The following HS6ST1 variants were observed in gnomAD, a reference collection of about 807,000 sequenced individuals.
HS6ST1 encodes the protein heparan sulfate 6-O-sulfotransferase 1.
Under a neutral mutation model 25.2 loss-of-function variants are expected in HS6ST1, and 3 were observed. The observed-to-expected ratio is 0.12, with a 90% CI of 0.05 to 0.31. HS6ST1 has a LOEUF of 0.31. Among genes scored for constraint, HS6ST1 ranks in the 10% least tolerant of loss-of-function variants. The pLI is 1.00. For synonymous variants in HS6ST1, 204 were observed against 275.1 expected (o/e 0.74, Z 2.56); for missense variants, 310 against 609.6 (o/e 0.51, Z 5.18).
In HS6ST1 at chr2:128,282,237, A is replaced by G. The variant is rs563136398; in HGVS notation, c.528-13367T>C. Among the ~76,000 whole-genome samples, 9 of 152,354 alleles carry G rather than the reference A, an allele frequency of 5.9e-5. No individual in the cohort carries two copies. The East Asian group carries it at 1.7e-3, about 29-fold the overall frequency. ...AGAGTCAGAGTGGTCTGCATAAAGA[A>G]AAAACCACCTTTAGCCCTGCAGTGA... is the stretch of plus-strand genomic sequence containing the variant. On this transcript the variant is annotated intron_variant, in intron 1 of 1. Transcript: ENST00000259241.
intron 1 of HS6ST1, among the ~76,000 whole-genome samples, chr2:128,271,642 A>G (rs931599696): frequency 2.0e-5 from 3 of 152,190 alleles, no homozygotes; most frequent in Non-Finnish European, 2.9e-5. Context: ...CTCCAGCTTC[A>G]TGGCAGGACA....
chr2:128,304,478 C>T (rs1003302441), intron 1 of HS6ST1, among the ~76,000 whole-genome samples: 2 of 152,228 alleles, frequency 1.3e-5, no homozygotes, highest in African/African-American at 4.8e-5. Context: ...GGCAGGAGGA[C>T]GAAACAAGTA....
At position 128,318,856 on chromosome 2, in the gene HS6ST1, C is replaced by T. The variant is rs534883789; in HGVS notation, c.-293G>A. ...CCAGCCCGCTCCGCTCCACTCCGCG[C>T]CGAGAACGCTCTGCGCCGCCCCGCG... is the stretch of plus-strand genomic sequence containing the variant. On this transcript the variant is annotated 5_prime_UTR_variant, in exon 1 of 2. Coordinates refer to ENST00000259241, the MANE Select transcript of HS6ST1 (RefSeq NM_004807.3). The surrounding 1 kb of genome is among the most constrained non-coding windows in gnomAD (Gnocchi z 5.7). Among the ~76,000 whole-genome samples, 16 of 147,994 alleles carry T rather than the reference C, an allele frequency of 1.1e-4. No homozygotes were observed. In the South Asian group the frequency reaches 2.9e-3, roughly 27 times the overall value.
intron 1 of HS6ST1, among the ~76,000 whole-genome samples, chr2:128,271,927 A>G (rs1335523777): frequency 1.3e-5 from 2 of 152,198 alleles, no homozygotes; most frequent in Non-Finnish European, 2.9e-5. Flanking sequence ...ACCAGAGCAC[A>G]GAGGGATGGA....
intron 1 of HS6ST1, among the ~76,000 whole-genome samples, chr2:128,300,662 C>A (rs1694111168): frequency 6.6e-6 from 1 of 152,214 alleles, no homozygotes; most frequent in South Asian, 2.1e-4. Flanking sequence ...GGGCGGACCA[C>A]CTTGAGTTAC....
At position 128,266,833 on chromosome 2, in the gene HS6ST1, C is replaced by G. The variant is rs1009709772; in HGVS notation, c.*1329G>C. ...AGGAATGGGGACAGGGCACAGGGCA[C>G]GTGCTTACAACGGATATGCAACATG... On this transcript the variant is annotated 3_prime_UTR_variant, in exon 2 of 2. Coordinates refer to ENST00000259241, the MANE Select transcript of HS6ST1 (RefSeq NM_004807.3). 6.6e-6 allele frequency: 1 copy of G among 152,290 alleles called. No individual in the cohort carries two copies. Among genetic ancestry groups the G allele is most frequent in the Non-Finnish European group, 1.5e-5 (1 of 68,120 alleles). The allele number at this position is 152,290 out of a possible 1,614,324, so 9.4% of individuals were successfully genotyped here.
intron 1 of HS6ST1, among the ~76,000 whole-genome samples, chr2:128,282,021 G>C (rs1194364959): frequency 6.6e-6 from 1 of 152,198 alleles, no homozygotes; most frequent in Non-Finnish European, 1.5e-5. Context: ...CTATTCACCT[G>C]CTGAGCCACA....
chr2:128,287,746 C>A (rs544436578), intron 1 of HS6ST1, among the ~76,000 whole-genome samples: 10 of 152,330 alleles, frequency 6.6e-5, no homozygotes, highest in African/African-American at 1.9e-4. Flanking sequence ...GACTGGACAC[C>A]TGGAATGGGG....
chr2:128,313,680 C>T (rs774074423), intron 1 of HS6ST1, among the ~76,000 whole-genome samples: 2 of 152,108 alleles, frequency 1.3e-5, no homozygotes, highest in African/African-American at 2.4e-5. Context: ...GTGTGGCAGC[C>T]AGAACTCCTG....
chr2:128,301,986 G>A (rs979672326), intron 1 of HS6ST1, among the ~76,000 whole-genome samples: 17 of 152,170 alleles, frequency 1.1e-4, no homozygotes, highest in African/African-American at 3.9e-4. Context: ...GGCTCTCCAT[G>A]GTGCCGCCAG....
chr2:128,306,120 CAGTG>C (rs1694203896), intron 1 of HS6ST1, among the ~76,000 whole-genome samples: 1 of 152,198 alleles, frequency 6.6e-6, no homozygotes, highest in African/African-American at 2.4e-5. Context: ...GCGCCCCTGA[CAGTG>C]AGGCCTGAAT....
At chr2:128,282,910 G>A (rs1288513866) in intron 1 of HS6ST1, among the ~76,000 whole-genome samples, 8 of 152,194 alleles carry the variant, frequency 5.3e-5, no homozygotes, top group Admixed American at 2.0e-4. Context: ...GGTGCTGACC[G>A]CCCCACATCT....
chr2:128,309,060 C>A (rs1246283609), intron 1 of HS6ST1, among the ~76,000 whole-genome samples: 1 of 152,202 alleles, frequency 6.6e-6, no homozygotes, highest in African/African-American at 2.4e-5. Context: ...AGATGCAAAG[C>A]CAGGATTTGG....
At chr2:128,275,924 ACGGTGG>A (rs1573691375) in intron 1 of HS6ST1, among the ~76,000 whole-genome samples, 1 of 152,184 alleles carries the variant, frequency 6.6e-6, no homozygotes, top group Non-Finnish European at 1.5e-5. Context: ...AATGCCCACC[ACGGTGG>A]CGTGCTCACC....
intron 1 of HS6ST1, 147 bp from the exon 2 acceptor site, chr2:128,269,017 C>A: frequency 1.4e-6 from 1 of 698,242 alleles, no homozygotes; most frequent in Non-Finnish European, 2.5e-6. Context: ...TCAGTCGTTT[C>A]AAAACCCGGT....
intron 1 of HS6ST1, among the ~76,000 whole-genome samples, chr2:128,311,298 T>C (rs1694286554): frequency 6.6e-6 from 1 of 152,186 alleles, no homozygotes; most frequent in East Asian, 1.9e-4. Context: ...GGAGTGGGCC[T>C]CAAGGAGAGG....
chr2:128,279,661 C>T (rs751842715), intron 1 of HS6ST1, among the ~76,000 whole-genome samples: 11 of 152,250 alleles, frequency 7.2e-5, no homozygotes, highest in Admixed American at 2.0e-4. Flanking sequence ...GTGATGCACA[C>T]CTCCAGGTAG....
At chr2:128,314,200 A>G (rs840879) in intron 1 of HS6ST1, among the ~76,000 whole-genome samples, 104,138 of 151,954 alleles carry the variant, frequency 0.69, 37,098 homozygotes, top group African/African-American at 0.87. Context: ...AAACTGTCGC[A>G]TGCCACAGAA....
At chr2:128,306,482 C>T (rs144459228) in intron 1 of HS6ST1, among the ~76,000 whole-genome samples, 24 of 152,330 alleles carry the variant, frequency 1.6e-4, no homozygotes, top group African/African-American at 5.8e-4. Flanking sequence ...GTCACCAATG[C>T]TCTAGAGAGG....
Sources: allele counts gnomAD v4.1 joint callset (sites outside exome capture counted in the v4.1 genomes callset), GRCh38; gene constraint gnomAD v4.1.1; non-coding constraint Gnocchi (gnomAD v3.1); transcripts MANE v1.5; gene names NCBI Gene and HGNC (gene_info 2026-07-23, HGNC 2026-07-21).